Variants in SAP130 observed in about 807,000 individuals in gnomAD.
SAP130 encodes the protein Sin3A associated protein 130.
A neutral mutation model predicts 103.2 loss-of-function variants in SAP130; 16 were observed. That is an observed-to-expected ratio of 0.16 (90% CI 0.10 to 0.24). SAP130 has a LOEUF of 0.24. Ranked by LOEUF, SAP130 falls within the 10% of genes least tolerant of loss-of-function variation. The pLI, the probability that SAP130 is intolerant of heterozygous loss-of-function variation, is 1.00. For missense variants in SAP130, 990 were observed against 1,359.7 expected (o/e 0.73, Z 4.28); for synonymous variants, 477 against 497.0 (o/e 0.96, Z 0.53).
intron 15 of SAP130, among the ~76,000 whole-genome samples, chr2:127,957,721 A>G (rs1679944688): frequency 6.6e-6 from 1 of 152,094 alleles, no homozygotes; most frequent in African/African-American, 2.4e-5. Context: ...AAAGTTACAT[A>G]TGTTTGATTA....
Position 127,970,761 on chromosome 2 carries a change from T to C in SAP130, c.2063+7224A>G, listed in dbSNP as rs796613152. ...CAATTGAGGATTCACCCTACTCCAG[T>C]AGGGCTTCATCTTGACTAACCACAT... On this transcript the variant is annotated intron_variant, in intron 15 of 20. Transcript: ENST00000643581. 5.3e-5 allele frequency among the ~76,000 whole-genome samples: 8 copies of C among 152,084 alleles called. 1 individual carries two copies. The highest frequency in any genetic ancestry group is 2.1e-4 in the South Asian group (1 of 4,808).
intron 6 of SAP130, among the ~76,000 whole-genome samples, chr2:128,012,565 AC>A (rs1684471560): frequency 6.6e-6 from 1 of 152,176 alleles, no homozygotes; most frequent in African/African-American, 2.4e-5. Flanking sequence ...ATTTATAGAT[AC>A]TATATTTCCT....
At chr2:128,010,183 T>C in intron 7 of SAP130, 86 bp downstream of exon 7, 4 of 1,409,858 alleles carry the variant, frequency 2.8e-6, no homozygotes, top group Non-Finnish European at 2.9e-6. Context: ...ACTCAATAAA[T>C]ATTTACTTAA....
At chr2:127,958,663 AG>A (rs1680019003) in intron 15 of SAP130, among the ~76,000 whole-genome samples, 2 of 150,760 alleles carry the variant, frequency 1.3e-5, no homozygotes, top group Non-Finnish European at 3.0e-5. Flanking sequence ...AGAGAGAGAG[AG>A]AGAGAGAGAG....
At chr2:127,969,396 C>T (rs1680906057) in intron 15 of SAP130, among the ~76,000 whole-genome samples, 1 of 152,192 alleles carries the variant, frequency 6.6e-6, no homozygotes, top group Non-Finnish European at 1.5e-5. Context: ...GTTCAGCATC[C>T]CTTTACTTAA....
intron 14 of SAP130, among the ~76,000 whole-genome samples, chr2:127,983,474 T>C (rs1682107849): frequency 6.6e-6 from 1 of 152,134 alleles, no homozygotes; most frequent in Non-Finnish European, 1.5e-5. Context: ...CCTGCCTACC[T>C]CCAGGCTGAG....
chr2:127,974,832 T>C (rs1030169386), intron 15 of SAP130, among the ~76,000 whole-genome samples: 1 of 152,126 alleles, frequency 6.6e-6, no homozygotes, highest in Non-Finnish European at 1.5e-5. Flanking sequence ...ATAAAGATTA[T>C]AATTTCTATG....
intron 15 of SAP130, among the ~76,000 whole-genome samples, chr2:127,959,943 T>C (rs1680121517): frequency 6.6e-6 from 1 of 152,166 alleles, no homozygotes; most frequent in Non-Finnish European, 1.5e-5. Context: ...GCAGTGGCTC[T>C]TCACAGGCAT....
chr2:128,006,933 G>A (rs1366559342), intron 7 of SAP130, among the ~76,000 whole-genome samples: 2 of 152,136 alleles, frequency 1.3e-5, no homozygotes, highest in African/African-American at 4.8e-5. Context: ...TGTAGTTGTA[G>A]ATATAAAGAG....
chr2:127,945,417 C>G (rs762689892), intron 19 of SAP130, 39 bp downstream of exon 19: 3 of 1,244,240 alleles, frequency 2.4e-6, no homozygotes, highest in Non-Finnish European at 2.4e-6. Context: ...GTCTTCTCCT[C>G]TCTTCAGCAT....
At chr2:127,954,932 T>G (rs1444322477) in intron 16 of SAP130, 54 bp downstream of exon 16, 1 of 1,333,200 alleles carries the variant, frequency 7.5e-7, no homozygotes, top group Non-Finnish European at 1.0e-6. Flanking sequence ...GGAGGAGAAT[T>G]AGGGAAGGGG....
intron 18 of SAP130, among the ~76,000 whole-genome samples, chr2:127,945,877 T>C (rs1679042534): frequency 6.6e-6 from 1 of 152,222 alleles, no homozygotes; most frequent in Admixed American, 6.5e-5. Context: ...GGTCTTGAAC[T>C]CCTGGGCTCA....
Position 127,945,445 on chromosome 2 carries a change from A to T in SAP130, c.2901+11T>A, listed in dbSNP as rs767654087. 1.4e-5 allele frequency: 22 copies of T among 1,528,520 alleles called. No homozygotes were observed. The East Asian group carries it at 4.7e-4, about 33-fold the overall frequency. The allele number at this position is 1,528,520 out of a possible 1,614,324, so 94.7% of individuals were successfully genotyped here. ...TTCAGCATGATGAACAACTGCTAGAACTCCACCTACCAGCTGTAGTAACTG... is the reference window on the plus strand; with the variant it reads ...TTCAGCATGATGAACAACTGCTAGATCTCCACCTACCAGCTGTAGTAACTG... On this transcript the variant is annotated intron_variant, in intron 19 of 20. Coordinates refer to ENST00000643581, the MANE Select transcript of SAP130 (RefSeq NM_001330301.2).
In SAP130 at chr2:127,941,946, CCCCCCA is replaced by C. The variant is rs1678739824; in HGVS notation, c.*54_*59del. ...CCACTTTGGAAAAAACCAAAACCCT[CCCCCCA>C]CCCCCACCATCATTCTTCATAAATT... is the stretch of plus-strand genomic sequence containing the variant. On this transcript the variant is annotated 3_prime_UTR_variant, in exon 21 of 21. Transcript: ENST00000643581. 1.6e-5 allele frequency: 4 copies of C among 244,026 alleles called. No homozygotes were observed. The highest frequency in any genetic ancestry group is 4.8e-4 in the Middle Eastern group (1 of 2,086). The allele number at this position is 244,026 out of a possible 1,614,324, so 15.1% of individuals were successfully genotyped here. A position where few individuals can be genotyped will look rare whatever the true frequency, so the allele number is the denominator to read the frequency against.
At chr2:128,011,561 G>A (rs1311113606) in intron 6 of SAP130, among the ~76,000 whole-genome samples, 1 of 152,118 alleles carries the variant, frequency 6.6e-6, no homozygotes, top group Non-Finnish European at 1.5e-5. Context: ...GGAGCTCCTT[G>A]TCTTGGTTCT....
chr2:128,014,995 T>G (rs1305879058), intron 4 of SAP130, 81 bp from the exon 5 acceptor site: 1 of 1,114,542 alleles, frequency 9.0e-7, no homozygotes. Context: ...CCTCCAAATG[T>G]GGGTCAGGTT....
intron 13 of SAP130, 112 bp from the exon 14 acceptor site, chr2:127,987,074 G>T: frequency 2.1e-6 from 2 of 944,732 alleles, no homozygotes; most frequent in Non-Finnish European, 3.2e-6. Flanking sequence ...TGTTCTAACT[G>T]TCCAATTTCA....
At chr2:127,969,469 C>G (rs539880267) in intron 15 of SAP130, among the ~76,000 whole-genome samples, 1 of 152,294 alleles carries the variant, frequency 6.6e-6, no homozygotes, top group African/African-American at 2.4e-5. Flanking sequence ...CAAGGCAGAG[C>G]AGAAGTGGGT....
At chr2:128,010,119 G>T in intron 7 of SAP130, 150 bp downstream of exon 7, 2 of 726,884 alleles carry the variant, frequency 2.8e-6, no homozygotes, top group Non-Finnish European at 3.9e-6. Flanking sequence ...TTTGTTCACA[G>T]CTTTAGCCCC....
Sources: gnomAD v4.1 joint callset for allele counts (sites outside exome capture counted in the v4.1 genomes callset) on GRCh38, gnomAD v4.1.1 for gene constraint, MANE v1.5 for transcripts, NCBI Gene and HGNC (gene_info 2026-07-23, HGNC 2026-07-21) for gene names.